WDR75: variants seen among roughly 807,000 people sequenced by gnomAD.
The protein encoded by WDR75 is WD repeat-containing protein 75.
WDR75 carries 52 observed loss-of-function variants against 106.1 expected under a neutral mutation model. That is an observed-to-expected ratio of 0.49 (90% confidence interval 0.39 to 0.62). The LOEUF (loss-of-function observed/expected upper bound fraction) is 0.62, where lower values mean the gene tolerates loss of function less well. Ranked by LOEUF, WDR75 falls within the 20% of genes least tolerant of loss-of-function variation. The probability of loss-of-function intolerance (pLI) is 0.00; values close to 1 mark genes in which losing one functional copy is unlikely to be tolerated. For missense variants in WDR75, 905 were observed against 970.3 expected (o/e 0.93, Z 0.89); for synonymous variants, 333 against 335.5 (o/e 0.99, Z 0.08).
At position 189,462,624 on chromosome 2, in the gene WDR75, A is replaced by G; in HGVS notation, c.919A>G (p.Thr307Ala). ...CTCGCCTGCAGGAGATTTATTCTGC[A>G]CTTCTCACTCTGATAATAGTAAGTC... ...SVSPAGDLFCTSHSDNKIIII... is the reference protein window; with the variant it reads ...SVSPAGDLFCASHSDNKIIII... Residue 307 changes from threonine (T) to alanine (A), a missense_variant, in exon 9 of 21, where the codon ACT becomes GCT. Coordinates refer to ENST00000314761, the MANE Select transcript of WDR75 (RefSeq NM_032168.3). 6.2e-7 allele frequency: 1 copy of G among 1,613,878 alleles called. No homozygotes were observed. The highest frequency in any genetic ancestry group is 8.5e-7 in the Non-Finnish European group (1 of 1,179,864).
rs1416285967 is a variant in WDR75, at chr2:189,469,369, T to C, written c.1749T>C (p.Val583=). The C allele has an allele frequency of 1.2e-6, 2 of 1,613,526 alleles. No individual in the cohort carries two copies. Among genetic ancestry groups the C allele is most frequent in the East Asian group, 2.2e-5 (1 of 44,856 alleles). ...TGGAGTGGAATGCAAAATTAAATGT[T>C]AGAGTTATGGAACCCGATCCTAATT... ...CALEWNAKLN[V]RVMEPDPNSE... Residue 583 remains valine, a synonymous_variant, in exon 16 of 21, where the codon GTT becomes GTC. Transcript: ENST00000314761.
At chr2:189,459,552 A>G (rs1351836220) in intron 8 of WDR75, 128 bp downstream of exon 8, 3 of 869,682 alleles carry the variant, frequency 3.4e-6, no homozygotes, top group African/African-American at 3.5e-5. Context: ...CTTGTGTGTT[A>G]CCCCTGTATT....
chr2:189,451,883 A>G lies in WDR75; in HGVS notation c.361A>G (p.Lys121Glu), dbSNP rs1164289494. Residue 121 changes from lysine (K) to glutamate (E), a missense_variant, in exon 4 of 21, where the codon AAA (lysine) becomes GAA (glutamate). Lys to Glu is a moderately conservative substitution (Grantham distance 56). Transcript: ENST00000314761. The stretch of plus-strand genomic sequence containing the variant: ...GGATTCTGTCTTTGTTATAGTGAAT[A>G]AAGAAAAACCAGGTATGGTATAATT... ...AEDSVFVIVN[K>E]EKPDIFQLVS... is the part of the protein sequence containing the mutation. 2.5e-6 allele frequency: 4 copies of G among 1,612,876 alleles called. No homozygotes were observed. Among genetic ancestry groups the G allele is most frequent in the Non-Finnish European group, 3.4e-6 (4 of 1,179,302 alleles).
intron 6 of WDR75, 134 bp downstream of exon 6, chr2:189,457,515 A>G: frequency 1.6e-6 from 1 of 617,686 alleles, no homozygotes; most frequent in South Asian, 2.0e-5. Context: ...TGAAGTATGG[A>G]GGTACAGTTT....
At chr2:189,465,041 A>G in intron 11 of WDR75, 38 bp from the exon 12 acceptor site, 1 of 1,421,528 alleles carries the variant, frequency 7.0e-7, no homozygotes, top group Middle Eastern at 1.8e-4. Context: ...ATTTATGTTA[A>G]TAAACATTTT....
chr2:189,447,979 C>T (rs910798679), intron 1 of WDR75, among the ~76,000 whole-genome samples: 1 of 152,168 alleles, frequency 6.6e-6, no homozygotes, highest in Admixed American at 6.5e-5. Flanking sequence ...TTCCCCTATA[C>T]TGTTCTTGTG....
At chr2:189,468,132 TTTCTTCAC>T (rs1434555112) in intron 14 of WDR75, among the ~76,000 whole-genome samples, 11 of 152,184 alleles carry the variant, frequency 7.2e-5, no homozygotes, top group Admixed American at 6.6e-4. Context: ...TTTGTAAAAC[TTTCTTCAC>T]AATTGAAATC....
At chr2:189,464,516 A>G (rs10205139) in intron 11 of WDR75, among the ~76,000 whole-genome samples, 9,855 of 152,124 alleles carry the variant, frequency 0.065, 492 homozygotes, top group African/African-American at 0.14. Flanking sequence ...CATATTAATC[A>G]TTTTATGCTT....
At chr2:189,444,912 C>T (rs927325439) in intron 1 of WDR75, among the ~76,000 whole-genome samples, 13 of 152,120 alleles carry the variant, frequency 8.5e-5, no homozygotes, top group African/African-American at 3.1e-4. Flanking sequence ...CTTCCCACCC[C>T]TTAAATCATA....
intron 2 of WDR75, chr2:189,449,901 T>C: frequency 1.0e-6 from 1 of 983,944 alleles, no homozygotes; most frequent in Non-Finnish European, 1.2e-6. Flanking sequence ...TTTAAAAATA[T>C]TAAAATTCTT....
At chr2:189,448,215 G>A (rs1210383765) in intron 1 of WDR75, among the ~76,000 whole-genome samples, 164 bp from the exon 2 acceptor site, 1 of 152,218 alleles carries the variant, frequency 6.6e-6, no homozygotes, top group Non-Finnish European at 1.5e-5. Flanking sequence ...CTAGGTGCTA[G>A]GCTCCCACCT....
At chr2:189,468,894 T>C (rs1203732624) in intron 15 of WDR75, among the ~76,000 whole-genome samples, 1 of 152,218 alleles carries the variant, frequency 6.6e-6, no homozygotes. Context: ...TAATACTTAC[T>C]AATCTACATT....
At chr2:189,462,847 T>C (rs1310102464) in intron 9 of WDR75, among the ~76,000 whole-genome samples, 2 of 152,190 alleles carry the variant, frequency 1.3e-5, no homozygotes, top group African/African-American at 4.8e-5. Context: ...GAATTATTTT[T>C]ATAAAATGGA....
In WDR75 at chr2:189,458,754, T is replaced by TTTA. The variant is rs749445342; in HGVS notation, c.572_574dup (p.Phe191_Thr192insIle). ...GAATTTGTTTTTTTTTTCTCCTAGG[T>TTTA]TTACTTTATCATCATCAAGAAATAA... On this transcript the variant is annotated inframe_insertion and splice_region_variant, in exon 7 of 21. Transcript: ENST00000314761. 2.9e-5 allele frequency: 45 copies of TTTA among 1,565,102 alleles called. No homozygotes were observed. The South Asian group carries it at 4.5e-4, about 16-fold the overall frequency.
intron 5 of WDR75, 137 bp from the exon 6 acceptor site, chr2:189,457,174 G>C (rs1448144473): frequency 1.7e-6 from 1 of 595,392 alleles, no homozygotes; most frequent in African/African-American, 1.9e-5. Flanking sequence ...TCGGGAGGCA[G>C]AGTTTGCAGT....
chr2:189,441,895 T>G (rs888473257), intron 1 of WDR75, among the ~76,000 whole-genome samples: 63 of 152,248 alleles, frequency 4.1e-4, no homozygotes, highest in African/African-American at 1.4e-3. Context: ...GCCACTACCT[T>G]TGCAGTACCT....
intron 6 of WDR75, among the ~76,000 whole-genome samples, 167 bp from the exon 7 acceptor site, chr2:189,458,586 T>G (rs1686792050): frequency 1.3e-5 from 2 of 152,212 alleles, no homozygotes; most frequent in Admixed American, 1.3e-4. Context: ...GAATGCTTGA[T>G]TCTTGATCAA....
At chr2:189,468,997 G>A (rs1477861543) in intron 15 of WDR75, among the ~76,000 whole-genome samples, 1 of 152,128 alleles carries the variant, frequency 6.6e-6, no homozygotes, top group Admixed American at 6.6e-5. Flanking sequence ...ATGTTTGGAA[G>A]GCATAGTAGC....
chr2:189,448,794 T>A (rs1344170253), intron 2 of WDR75: 2 of 526,198 alleles, frequency 3.8e-6, no homozygotes, highest in East Asian at 1.0e-4. Flanking sequence ...GATTGTAATC[T>A]TTTTAGGTTC....
Sources: gnomAD v4.1 joint callset for allele counts (sites outside exome capture counted in the v4.1 genomes callset) on GRCh38, gnomAD v4.1.1 for gene constraint, MANE v1.5 for transcripts, NCBI Gene and HGNC (gene_info 2026-07-23, HGNC 2026-07-21) for gene names.